The following SS18 variants were observed in gnomAD, a reference collection of about 807,000 sequenced individuals.
SS18 encodes the protein SS18 subunit of BAF chromatin remodeling complex.
A neutral mutation model predicts 72.5 loss-of-function variants in SS18; 28 were observed. That is an observed-to-expected ratio of 0.39 (90% CI 0.29 to 0.53). The LOEUF is 0.53. Ranked by LOEUF, SS18 falls within the 20% of genes least tolerant of loss-of-function variation. SS18 has a pLI of 0.76. For missense variants in SS18, 518 were observed against 535.3 expected (o/e 0.97, Z 0.32); for synonymous variants, 172 against 164.2 (o/e 1.05, Z -0.37).
upstream of SS18, chr18:26,090,630 G>T (rs1042207834): frequency 3.3e-6 from 5 of 1,508,408 alleles, no homozygotes; most frequent in African/African-American, 1.4e-5. Context: ...CAAACTGGGG[G>T]AGAGACGCCG....
At chr18:26,033,565 T>A (rs2053579650) in intron 9 of SS18, among the ~76,000 whole-genome samples, 1 of 151,162 alleles carries the variant, frequency 6.6e-6, no homozygotes, top group Admixed American at 6.6e-5. Context: ...ATGTTTTCTA[T>A]CGTAGCCATT....
At chr18:26,022,526 T>C (rs963951289) in intron 10 of SS18, among the ~76,000 whole-genome samples, 1 of 151,420 alleles carries the variant, frequency 6.6e-6, no homozygotes, top group Non-Finnish European at 1.5e-5. Flanking sequence ...CCCTGAGACA[T>C]GGTAAACAAA....
intron 4 of SS18, among the ~76,000 whole-genome samples, chr18:26,055,345 T>C (rs1412903013): frequency 2.0e-5 from 3 of 151,838 alleles, no homozygotes; most frequent in Non-Finnish European, 4.4e-5. Flanking sequence ...TGTGCGCCTG[T>C]AATCCCAGCT....
intron 3 of SS18, among the ~76,000 whole-genome samples, chr18:26,068,946 C>CA (rs1568022876): frequency 1.3e-5 from 2 of 152,152 alleles, no homozygotes; most frequent in Non-Finnish European, 2.9e-5. Flanking sequence ...GCAGTACTCA[C>CA]AATGAATTAA....
intron 5 of SS18, among the ~76,000 whole-genome samples, chr18:26,043,399 T>C (rs1417487443): frequency 1.3e-5 from 2 of 152,156 alleles, no homozygotes; most frequent in South Asian, 2.1e-4. Flanking sequence ...TGAAACTCCA[T>C]AGATAATACC....
chr18:26,019,548 C>T (rs1363996686), intron 10 of SS18, among the ~76,000 whole-genome samples: 2 of 152,044 alleles, frequency 1.3e-5, no homozygotes, highest in African/African-American at 4.8e-5. Context: ...TGGTGACTCA[C>T]ACCTGTAATC....
At chr18:26,061,484 T>C (rs1032428399) in intron 3 of SS18, among the ~76,000 whole-genome samples, 4 of 152,282 alleles carry the variant, frequency 2.6e-5, no homozygotes, top group Non-Finnish European at 4.4e-5. Flanking sequence ...AAGTAATGAA[T>C]TGAACCCAGA....
intron 3 of SS18, 50 bp downstream of exon 3, chr18:26,078,026 A>G: frequency 1.5e-6 from 2 of 1,374,284 alleles, no homozygotes; most frequent in Non-Finnish European, 2.1e-6. Context: ...GTGCCATACC[A>G]TATGTAACTA....
At chr18:26,018,737 G>A (rs933034970) in intron 10 of SS18, among the ~76,000 whole-genome samples, 1 of 152,210 alleles carries the variant, frequency 6.6e-6, no homozygotes. Context: ...ATATTAGGGT[G>A]TAAATCATAT....
chr18:26,066,628 A>G (rs1173325002), intron 3 of SS18, among the ~76,000 whole-genome samples: 2 of 151,820 alleles, frequency 1.3e-5, no homozygotes, highest in Non-Finnish European at 2.9e-5. Context: ...ACACACACAC[A>G]CATTTCTGTT....
chr18:26,042,444 T>C (rs2053745568), intron 5 of SS18, among the ~76,000 whole-genome samples: 1 of 152,184 alleles, frequency 6.6e-6, no homozygotes, highest in South Asian at 2.1e-4. Flanking sequence ...TGCAAGGGCA[T>C]ATAACAAACA....
At chr18:26,042,678 G>C (rs2053750895) in intron 5 of SS18, among the ~76,000 whole-genome samples, 1 of 151,170 alleles carries the variant, frequency 6.6e-6, no homozygotes, top group East Asian at 1.9e-4. Context: ...AGTAAGTCAA[G>C]GATCAAATTT....
At chr18:26,028,243 G>A (rs117070394) in intron 10 of SS18, among the ~76,000 whole-genome samples, 2,967 of 152,268 alleles carry the variant, frequency 0.019, 41 homozygotes, top group Non-Finnish European at 0.032. Context: ...TTAAAGTCAT[G>A]AAGTGTTATA....
chr18:26,090,832 AC>A (rs1385102318), upstream of SS18: 6 of 552,704 alleles, frequency 1.1e-5, no homozygotes, highest in Non-Finnish European at 1.6e-5. Context: ...CCTTATGGGC[AC>A]CCCCTGGCCC....
At chr18:26,054,649 T>C (rs929854572) in intron 4 of SS18, among the ~76,000 whole-genome samples, 1 of 151,980 alleles carries the variant, frequency 6.6e-6, no homozygotes, top group Non-Finnish European at 1.5e-5. Context: ...TACATAATAG[T>C]ATTTAATGAG....
At chr18:26,066,154 G>C (rs1381581458) in intron 3 of SS18, among the ~76,000 whole-genome samples, 1 of 151,676 alleles carries the variant, frequency 6.6e-6, no homozygotes, top group East Asian at 1.9e-4. Context: ...AATGATTTAA[G>C]GTATGTCTTC....
intron 2 of SS18, among the ~76,000 whole-genome samples, chr18:26,086,413 C>A (rs564550968): frequency 1.3e-5 from 2 of 151,984 alleles, no homozygotes; most frequent in Non-Finnish European, 2.9e-5. Context: ...AGATTTAGAA[C>A]AACAAAGAAA....
chr18:26,065,804 T>TATATATATATATATA (rs1256436877), intron 3 of SS18, among the ~76,000 whole-genome samples: 3 of 109,154 alleles, frequency 2.7e-5, no homozygotes, highest in Admixed American at 1.1e-4. Flanking sequence ...CAAATCCATA[T>TATATATATATATATA]ATATATATAT....
At chr18:26,043,633 A>G (rs1402588509) in intron 5 of SS18, among the ~76,000 whole-genome samples, 1 of 152,210 alleles carries the variant, frequency 6.6e-6, no homozygotes, top group East Asian at 1.9e-4. Flanking sequence ...TACCTAAATT[A>G]TACACCTGTC....
Sources: gnomAD v4.1 joint callset for allele counts (sites outside exome capture counted in the v4.1 genomes callset) on GRCh38, gnomAD v4.1.1 for gene constraint, MANE v1.5 for transcripts, NCBI Gene and HGNC (gene_info 2026-07-23, HGNC 2026-07-21) for gene names.